TFDP1: variants seen among roughly 807,000 people sequenced by gnomAD.
TFDP1 encodes DRTF1-polypeptide 1.
TFDP1 carries 6 observed loss-of-function variants against 48.0 expected under a neutral mutation model. That is an observed-to-expected ratio of 0.13 (90% confidence interval 0.07 to 0.25). The LOEUF (loss-of-function observed/expected upper bound fraction) is 0.25, where lower values mean the gene tolerates loss of function less well. Ranked by LOEUF, TFDP1 falls within the 10% of genes least tolerant of loss-of-function variation. The pLI is 1.00. For synonymous variants in TFDP1, 201 were observed against 211.6 expected (o/e 0.95, Z 0.44); for missense variants, 335 against 543.0 (o/e 0.62, Z 3.81).
intron 2 of TFDP1, among the ~76,000 whole-genome samples, chr13:113,595,123 T>G (rs896783317): frequency 1.3e-5 from 2 of 151,938 alleles, no homozygotes; most frequent in African/African-American, 2.4e-5. Flanking sequence ...CGTTGGGGAG[T>G]CGTAGATGGT....
At chr13:113,613,807 CTG>C (rs149687017) in intron 3 of TFDP1, among the ~76,000 whole-genome samples, 4,665 of 146,040 alleles carry the variant, frequency 0.032, 181 homozygotes, top group East Asian at 0.11. Flanking sequence ...TGTGGAGTGT[CTG>C]TGCGTGTCTG....
intron 2 of TFDP1, among the ~76,000 whole-genome samples, chr13:113,597,635 A>G (rs1277335384): frequency 6.6e-6 from 1 of 152,190 alleles, no homozygotes; most frequent in Non-Finnish European, 1.5e-5. Flanking sequence ...GCTGCTTGCC[A>G]CGTCCTGGCT....
chr13:113,633,913 A>G lies in TFDP1; in HGVS notation c.498A>G (p.Arg166=). 12 of 1,613,586 alleles carry G rather than the reference A, an allele frequency of 7.4e-6. No homozygotes were observed. Among genetic ancestry groups the G allele is most frequent in the Non-Finnish European group, 1.0e-5 (12 of 1,179,704 alleles). The stretch of plus-strand genomic sequence containing the variant: ...AGGCTTATGACCAGAAAAACATAAG[A>G]CGGCGCGTCTACGATGCCTTAAACG... The part of the protein sequence containing the change: ...NESAYDQKNI[R]RRVYDALNVL... The change falls in exon 7 of 12, where the codon AGA becomes AGG. Residue 166 remains arginine (R), a synonymous_variant. Coordinates refer to ENST00000375370, the MANE Select transcript of TFDP1 (RefSeq NM_007111.5). The surrounding 1 kb of genome is among the most constrained non-coding windows in gnomAD (Gnocchi z 4.5).
At position 113,595,954 on chromosome 13, in the gene TFDP1, C is replaced by T. The variant is rs564554649; in HGVS notation, c.12+10105C>T. On this transcript the variant is annotated intron_variant, in intron 2 of 11. Transcript: ENST00000375370. Reference sequence around the variant, plus strand: ...AAAGTTAGCTGGGCGTGGTGGCGGGCACCTGTAGTCCCAGCTACTTGGGAG... The same window carrying T: ...AAAGTTAGCTGGGCGTGGTGGCGGGTACCTGTAGTCCCAGCTACTTGGGAG... Among the ~76,000 whole-genome samples, 14 of 152,314 alleles carry T rather than the reference C, an allele frequency of 9.2e-5. No individual in the cohort carries two copies. The South Asian group carries it at 2.9e-3, about 32-fold the overall frequency.
rs553934417 is a variant in TFDP1, at chr13:113,618,047, T to C, written c.80-5133T>C. Among the ~76,000 whole-genome samples, 6 of 152,362 alleles carry C rather than the reference T, an allele frequency of 3.9e-5. No homozygotes were observed. The East Asian group carries it at 1.2e-3, about 29-fold the overall frequency. Reference sequence around the variant, plus strand: ...TAATTAGTTCATTTGAAAAACGCTGTGTAGTGCCTTTTACAGTTGAAACAA... The same window carrying C: ...TAATTAGTTCATTTGAAAAACGCTGCGTAGTGCCTTTTACAGTTGAAACAA... On this transcript the variant is annotated intron_variant, in intron 3 of 11. Transcript: ENST00000375370.
rs1269038592 is a variant in TFDP1 at position 113,627,894 on chromosome 13, G to A, written c.187-3729G>A. Among the ~76,000 whole-genome samples the A allele has an allele frequency of 2.0e-5, 3 of 152,162 alleles. No individual in the cohort carries two copies. The highest frequency in any genetic ancestry group is 4.8e-5 in the African/African-American group (2 of 41,450). On this transcript the variant is annotated intron_variant, in intron 4 of 11. Transcript: ENST00000375370. This position sits in a 1 kb window ranked among gnomAD's most constrained non-coding sequence, Gnocchi z 4.1. ...CCTGATACCAAAAAGGTGGGGGATC[G>A]CTGCTTTAAACACCAAGGCTCACTG...
chr13:113,621,431 T>A, intron 3 of TFDP1, among the ~76,000 whole-genome samples: 1 of 152,228 alleles, frequency 6.6e-6, no homozygotes. Flanking sequence ...TCCAGTATAA[T>A]AAAATATAAA....
chr13:113,595,792 A>G (rs2048270987), intron 2 of TFDP1, among the ~76,000 whole-genome samples: 1 of 152,242 alleles, frequency 6.6e-6, no homozygotes, highest in Admixed American at 6.5e-5. Context: ...CCTTGAAAGT[A>G]TTAATGGCGG....
chr13:113,613,693 GTA>G lies in TFDP1; in HGVS notation c.79+2633_79+2634del, dbSNP rs1280628639. Reference sequence around the variant, plus strand: ...TGTGTGTGTGCATGAGTGTGTGTGTGTATGCGTGAATGCGTGGGTATGTGAGG... The same window carrying G: ...TGTGTGTGTGCATGAGTGTGTGTGTGTGCGTGAATGCGTGGGTATGTGAGG... On this transcript the variant is annotated intron_variant, in intron 3 of 11. Coordinates refer to ENST00000375370, the MANE Select transcript of TFDP1 (RefSeq NM_007111.5). 5.1e-4 allele frequency among the ~76,000 whole-genome samples: 76 copies of G among 149,830 alleles called. 2 individuals carry two copies. The highest frequency in any genetic ancestry group is 1.7e-3 in the African/African-American group (69 of 40,250).
intron 2 of TFDP1, among the ~76,000 whole-genome samples, chr13:113,589,732 T>C (rs1483344491): frequency 6.6e-6 from 1 of 152,188 alleles, no homozygotes; most frequent in Admixed American, 6.5e-5. Flanking sequence ...GACAGACCCT[T>C]GTCACGAGTC....
chr13:113,611,757 G>T (rs1289003162), intron 3 of TFDP1, among the ~76,000 whole-genome samples: 1 of 152,212 alleles, frequency 6.6e-6, no homozygotes, highest in Admixed American at 6.5e-5. Flanking sequence ...TTGGCCCCTC[G>T]TGAGAGGCTG....
chr13:113,632,621 C>CAAAA (rs1426904725), intron 5 of TFDP1, among the ~76,000 whole-genome samples: 1 of 152,064 alleles, frequency 6.6e-6, no homozygotes, highest in African/African-American at 2.4e-5. Flanking sequence ...ATTAAAAATA[C>CAAAA]AAAAAAATTA....
intron 4 of TFDP1, among the ~76,000 whole-genome samples, chr13:113,626,665 A>G (rs1315306757): frequency 6.6e-6 from 1 of 152,234 alleles, no homozygotes; most frequent in Non-Finnish European, 1.5e-5. Flanking sequence ...GGCCATTGAA[A>G]GTAGCGGTTT....
At position 113,627,135 on chromosome 13, in the gene TFDP1, C is replaced by G. The variant is rs895212229; in HGVS notation, c.186+3849C>G. ...TACCAGAGGTTTACAAAAAACTGGA[C>G]TGGCTCATTCTGACACGAGGGGTGG... On this transcript the variant is annotated intron_variant, in intron 4 of 11. Transcript: ENST00000375370. The surrounding 1 kb of genome is among the most constrained non-coding windows in gnomAD (Gnocchi z 4.1). Among the ~76,000 whole-genome samples the G allele has an allele frequency of 8.5e-5, 13 of 152,194 alleles. No individual in the cohort carries two copies. Among genetic ancestry groups the G allele is most frequent in the Admixed American group, 2.0e-4 (3 of 15,288 alleles).
intron 2 of TFDP1, among the ~76,000 whole-genome samples, chr13:113,589,561 C>G (rs139558300): frequency 6.6e-6 from 1 of 152,348 alleles, no homozygotes; most frequent in East Asian, 1.9e-4. Flanking sequence ...CTCGAAACAT[C>G]TCAGGCCCTC....
At position 113,640,225 on chromosome 13, in the gene TFDP1, CGAG is replaced by C. The variant is rs1733587466; in HGVS notation, c.1197_1199del (p.Glu399del). On this transcript the variant is annotated inframe_deletion, in exon 12 of 12. Coordinates refer to ENST00000375370, the MANE Select transcript of TFDP1 (RefSeq NM_007111.5). Reference sequence around the variant, plus strand: ...CGGTGTCCTACGTCGGGGAGGACGACGAGGAGGACGATGACTTCAACGAGAATG... The same window carrying C: ...CGGTGTCCTACGTCGGGGAGGACGACGAGGACGATGACTTCAACGAGAATG... 3.1e-6 allele frequency: 5 copies of C among 1,613,244 alleles called. No homozygotes were observed. The highest frequency in any genetic ancestry group is 2.2e-5 in the South Asian group (2 of 90,926).
At chr13:113,608,505 C>T (rs1013183852) in intron 2 of TFDP1, among the ~76,000 whole-genome samples, 2 of 152,212 alleles carry the variant, frequency 1.3e-5, no homozygotes, top group Non-Finnish European at 2.9e-5. Context: ...TCCAGCTCCA[C>T]GCACACGGGG....
In TFDP1 at chr13:113,631,803, C is replaced by T. The variant is rs562619736; in HGVS notation, c.308+59C>T. The T allele has an allele frequency of 8.1e-6, 13 of 1,598,176 alleles. No individual in the cohort carries two copies. The East Asian group carries it at 1.1e-4, about 14-fold the overall frequency. On this transcript the variant is annotated intron_variant, in intron 5 of 11. Coordinates refer to ENST00000375370, the MANE Select transcript of TFDP1 (RefSeq NM_007111.5). ...GGACTGCTTGCGGTTCGCACCTCCACGTTCTCCTGGGCCACGTGTGTCACA... is the reference window on the plus strand; with the variant it reads ...GGACTGCTTGCGGTTCGCACCTCCATGTTCTCCTGGGCCACGTGTGTCACA...
At position 113,636,565 on chromosome 13, in the gene TFDP1, T is replaced by A; in HGVS notation, c.871T>A (p.Phe291Ile). The A allele has an allele frequency of 1.2e-6, 2 of 1,614,166 alleles. No homozygotes were observed. Among genetic ancestry groups the A allele is most frequent in the Non-Finnish European group, 1.7e-6 (2 of 1,180,028 alleles). Residue 291 changes from phenylalanine to isoleucine, a missense_variant, in exon 10 of 12, where the codon TTT (phenylalanine) becomes ATT (isoleucine). Phe to Ile is a conservative substitution (Grantham distance 21). This residue lies in a region of TFDP1 where 204 missense variants were observed against 287.1 expected (regional missense o/e 0.71). Transcript: ENST00000375370. ...FEYLFNFDNT[F>I]EIHDDIEVLK... is the part of the protein sequence containing the mutation. ...GTATCTGTTTAATTTTGACAACACA[T>A]TTGAAATCCACGATGACATAGAAGT...
Sources: allele counts gnomAD v4.1 joint callset (sites outside exome capture counted in the v4.1 genomes callset), GRCh38; gene constraint gnomAD v4.1.1; regional missense constraint gnomAD v4.1.1; non-coding constraint Gnocchi (gnomAD v3.1); transcripts MANE v1.5; gene names NCBI Gene and HGNC (gene_info 2026-07-23, HGNC 2026-07-21).